The following OCLN variants were observed in gnomAD, a reference collection of about 807,000 sequenced individuals.
The protein encoded by OCLN is occludin, also known as phosphatase 1, regulatory subunit 115.
In OCLN, 21 loss-of-function variants were observed where a neutral mutation model predicts 47.9. The observed-to-expected ratio is 0.44, with a 90% CI of 0.31 to 0.63. The LOEUF is 0.63. OCLN is among the 30% of genes least tolerant of loss of function. OCLN has a pLI of 0.08. For synonymous variants in OCLN, 117 were observed against 198.4 expected (o/e 0.59, Z 3.45); for missense variants, 360 against 571.0 (o/e 0.63, Z 3.77).
chr5:69,527,996 G>C (rs187979877), intron 4 of OCLN, among the ~76,000 whole-genome samples: 91 of 152,226 alleles, frequency 6.0e-4, no homozygotes, highest in African/African-American at 2.2e-3. Context: ...AATCCTAAAT[G>C]CCATCTGAGC....
At chr5:69,515,538 AC>A (rs1206132794) in intron 4 of OCLN, among the ~76,000 whole-genome samples, 224 of 1,952 alleles carry the variant, frequency 0.11, 1 homozygote, top group African/African-American at 0.25. Context: ...CGGGGGGCTG[AC>A]CCCCCCCCAC....
At position 69,555,236 on chromosome 5, in the gene OCLN, AGTGTGTGTGTGT is replaced by A. The variant is rs373178468; in HGVS notation, c.*1578_*1589del. On this transcript the variant is annotated 3_prime_UTR_variant, in exon 9 of 9. Coordinates refer to ENST00000396442, the MANE Select transcript of OCLN (RefSeq NM_001205254.2). ...GGCGTGAGCCACCATGCCTGGCCTAAGTGTGTGTGTGTGTGTGTGTGTGTATTTTTTTTTTTT... is the reference window on the plus strand; with the variant it reads ...GGCGTGAGCCACCATGCCTGGCCTAAGTGTGTGTGTGTATTTTTTTTTTTT... 6.0e-5 allele frequency: 6 copies of A among 100,526 alleles called. No individual in the cohort carries two copies. Among genetic ancestry groups the A allele is most frequent in the South Asian group, 3.6e-4 (1 of 2,746 alleles). 6.2% of individuals were successfully genotyped at this position (100,526 alleles called of 1,614,324 possible). A position where few individuals can be genotyped will look rare whatever the true frequency, so the allele number is the denominator to read the frequency against.
At chr5:69,528,888 G>A (rs1183582755) in intron 4 of OCLN, among the ~76,000 whole-genome samples, 1 of 152,168 alleles carries the variant, frequency 6.6e-6, no homozygotes, top group Non-Finnish European at 1.5e-5. Context: ...GGTCTAGCCT[G>A]ACTCTCTCCC....
rs1769925301 is a variant in OCLN at position 69,554,635 on chromosome 5, A to G, written c.*964A>G. On this transcript the variant is annotated 3_prime_UTR_variant, in exon 9 of 9. Transcript: ENST00000396442. ...ATGGAAAACCACACTCAGGAGTTGT[A>G]TCTGTTGTTGTTTATACTCCTTTGG... is the stretch of plus-strand genomic sequence containing the variant. The G allele has an allele frequency of 6.6e-6, 1 of 151,934 alleles. No individual in the cohort carries two copies. Among genetic ancestry groups the G allele is most frequent in the South Asian group, 2.1e-4 (1 of 4,820 alleles). The allele number at this position is 151,934 out of a possible 1,614,324, so 9.4% of individuals were successfully genotyped here.
chr5:69,547,348 G>A (rs368208065), intron 6 of OCLN, among the ~76,000 whole-genome samples: 7,119 of 132,866 alleles, frequency 0.054, 361 homozygotes, highest in Non-Finnish European at 0.077. Flanking sequence ...GAGGCAGGTG[G>A]ATCACCTGAG....
chr5:69,533,828 G>T (rs560092846), intron 4 of OCLN, among the ~76,000 whole-genome samples: 3 of 151,940 alleles, frequency 2.0e-5, no homozygotes, highest in African/African-American at 7.3e-5. Flanking sequence ...AATTTTTTTT[G>T]TGTGTGTATT....
At chr5:69,504,322 C>T (rs752971167) in intron 2 of OCLN, 28 bp downstream of exon 2, 1 of 1,413,362 alleles carries the variant, frequency 7.1e-7, no homozygotes, top group East Asian at 2.3e-5. Flanking sequence ...TAGTTATTCT[C>T]TTTTAAAAAG....
At chr5:69,504,011 G>A (rs1768528284) in intron 1 of OCLN, among the ~76,000 whole-genome samples, 166 bp from the exon 2 acceptor site, 1 of 151,856 alleles carries the variant, frequency 6.6e-6, no homozygotes, top group Admixed American at 6.6e-5. Context: ...GAGGTAGGAG[G>A]AGTACTTGAG....
chr5:69,498,451 G>A (rs957192320), intron 1 of OCLN, among the ~76,000 whole-genome samples: 23 of 151,760 alleles, frequency 1.5e-4, no homozygotes, highest in East Asian at 7.8e-4. Flanking sequence ...CCGAGATCAC[G>A]CCATTGCATT....
rs560826697 is a variant in OCLN at position 69,493,853 on chromosome 5, G to C, written c.-69+953G>C. ...GGCCAAGATGGCCTCTGCGCCTAGG[G>C]GTTGGGAGCGGCGCCGAGCCCCTCG... On this transcript the variant is annotated intron_variant, in intron 1 of 8. Transcript: ENST00000396442. This position sits in a 1 kb window ranked among gnomAD's most constrained non-coding sequence, Gnocchi z 5.3. Among the ~76,000 whole-genome samples, 2 of 152,168 alleles carry C rather than the reference G, an allele frequency of 1.3e-5. No homozygotes were observed. Among genetic ancestry groups the C allele is most frequent in the African/African-American group, 4.8e-5 (2 of 41,466 alleles).
chr5:69,518,365 A>C (rs1769035301), intron 4 of OCLN, among the ~76,000 whole-genome samples: 1 of 152,164 alleles, frequency 6.6e-6, no homozygotes, highest in Non-Finnish European at 1.5e-5. Context: ...GTGATTCTTA[A>C]CCAGAGGCAA....
chr5:69,525,021 A>G (rs961285719), intron 4 of OCLN, among the ~76,000 whole-genome samples: 5 of 152,022 alleles, frequency 3.3e-5, no homozygotes, highest in African/African-American at 1.2e-4. Flanking sequence ...TAAATCACCT[A>G]TACTTGTGAA....
rs757484689 is a variant in OCLN at position 69,514,109 on chromosome 5, GGTAA to G, written c.891+3_891+6del. The G allele has an allele frequency of 3.7e-5, 59 of 1,613,716 alleles. No homozygotes were observed. Among genetic ancestry groups the G allele is most frequent in the Non-Finnish European group, 4.3e-5 (51 of 1,179,702 alleles). Reference sequence around the variant, plus strand: ...AGCAGCCCCCCAATGTCGAGGAGTGGGTAAGTGTTAAAAAATAACTTTACATCTT... The same window carrying G: ...AGCAGCCCCCCAATGTCGAGGAGTGGGTGTTAAAAAATAACTTTACATCTT... On this transcript the variant is annotated splice_donor_variant and splice_donor_region_variant and intron_variant, in intron 4 of 8. Coordinates refer to ENST00000396442, the MANE Select transcript of OCLN (RefSeq NM_001205254.2). LOFTEE classifies it high-confidence loss of function.
At chr5:69,505,221 G>A (rs1018897878) in intron 2 of OCLN, among the ~76,000 whole-genome samples, 6 of 152,134 alleles carry the variant, frequency 3.9e-5, no homozygotes, top group African/African-American at 1.2e-4. Context: ...TTGCACTCTA[G>A]ACTGGGTGAC....
At chr5:69,513,752 G>A (rs1478898052) in intron 3 of OCLN, among the ~76,000 whole-genome samples, 196 bp from the exon 4 acceptor site, 1 of 152,164 alleles carries the variant, frequency 6.6e-6, no homozygotes, top group African/African-American at 2.4e-5. Flanking sequence ...TACATTTGCT[G>A]GCCTTAGCCC....
intron 4 of OCLN, among the ~76,000 whole-genome samples, chr5:69,515,979 G>A (rs1453335289): frequency 1.3e-5 from 2 of 150,720 alleles, no homozygotes; most frequent in Non-Finnish European, 3.0e-5. Context: ...TAGATGGGAT[G>A]GCGGCCGGGC....
intron 2 of OCLN, among the ~76,000 whole-genome samples, chr5:69,508,498 G>T (rs1043286045): frequency 6.6e-6 from 1 of 151,974 alleles, no homozygotes; most frequent in Admixed American, 6.6e-5. Context: ...ATGCCACCAC[G>T]TCTGGCTAAT....
intron 1 of OCLN, among the ~76,000 whole-genome samples, chr5:69,500,155 A>G (rs777643297): frequency 5.9e-5 from 9 of 152,212 alleles, no homozygotes; most frequent in Admixed American, 2.6e-4. Context: ...TGTGTTTACC[A>G]GTGGAGACCT....
intron 4 of OCLN, among the ~76,000 whole-genome samples, chr5:69,531,813 A>T (rs1252312454): frequency 2.6e-5 from 4 of 152,254 alleles, no homozygotes; most frequent in African/African-American, 9.6e-5. Flanking sequence ...CTGCCTGGAT[A>T]CGTCAGGAGA....
Sources: allele counts gnomAD v4.1 joint callset (sites outside exome capture counted in the v4.1 genomes callset), GRCh38; gene constraint gnomAD v4.1.1; non-coding constraint Gnocchi (gnomAD v3.1); transcripts MANE v1.5; gene names NCBI Gene and HGNC (gene_info 2026-07-23, HGNC 2026-07-21).